The following PIAS3 variants were observed in gnomAD, a reference collection of about 807,000 sequenced individuals.
The protein encoded by PIAS3 is protein inhibitor of activated STAT 3, also known as E3 SUMO-protein ligase PIAS3.
PIAS3 carries 34 observed loss-of-function variants against 67.6 expected under a neutral mutation model. The ratio of observed to expected loss-of-function variants is 0.50; its 90% CI spans 0.38 to 0.67. The LOEUF (loss-of-function observed/expected upper bound fraction) is 0.67, where lower values mean the gene tolerates loss of function less well. Among genes scored for constraint, PIAS3 ranks in the 30% least tolerant of loss-of-function variants. The pLI, the probability that PIAS3 is intolerant of heterozygous loss-of-function variation, is 0.00. For synonymous variants in PIAS3, 341 were observed against 313.8 expected, an observed-to-expected ratio of 1.09 and a Z score of -0.92; for missense variants, 693 against 791.6, an observed-to-expected ratio of 0.88 and a Z score of 1.49.
rs782346143 is a variant in PIAS3, at chr1:145,849,894, C to G, written c.1621-182G>C. 259 of 1,449,590 alleles carry G rather than the reference C, an allele frequency of 1.8e-4. 1 individual carries two copies. The highest frequency in any genetic ancestry group is 5.6e-4 in the Admixed American group (20 of 35,998). The allele number at this position is 1,449,590 out of a possible 1,614,324, so 89.8% of individuals were successfully genotyped here. On this transcript the variant is annotated intron_variant, in intron 13 of 13. Coordinates refer to ENST00000393045, the MANE Select transcript of PIAS3 (RefSeq NM_006099.3). ...CCCTACACCCTTCCCCTTTCCCTGC[C>G]TTGAGAGAGCTCCTCCAACTTGTTA...
intron 4 of PIAS3, 96 bp from the exon 5 acceptor site, chr1:145,855,922 G>T: frequency 1.9e-6 from 2 of 1,049,398 alleles, no homozygotes; most frequent in Non-Finnish European, 1.5e-6. Flanking sequence ...AGTCATAGAT[G>T]CCTGAAGCCC....
chr1:145,853,132 G>A (rs1653026919), intron 9 of PIAS3, among the ~76,000 whole-genome samples: 1 of 152,048 alleles, frequency 6.6e-6, no homozygotes, highest in Admixed American at 6.6e-5. Context: ...ATTATAGGCT[G>A]GGCATGTTGT....
intron 11 of PIAS3, 74 bp downstream of exon 11, chr1:145,850,697 G>A: frequency 6.3e-7 from 1 of 1,597,302 alleles, no homozygotes; most frequent in Non-Finnish European, 8.6e-7. Flanking sequence ...CCCAGGCTTT[G>A]TCCAATGATC....
chr1:145,856,004 T>TC (rs1328914809), intron 4 of PIAS3, 64 bp downstream of exon 4: 2 of 1,309,330 alleles, frequency 1.5e-6, no homozygotes, highest in African/African-American at 2.9e-5. Flanking sequence ...AGGGTATCTG[T>TC]CATACCCCTA....
In PIAS3 at chr1:145,849,630, T is replaced by C. The variant is rs1553733635; in HGVS notation, c.1703A>G (p.His568Arg). ...CGTGGGGGCCAGTGGGCCCAGAAAGTGAGAAGGGGTCCCTCGGTACTGGAA... is the reference window on the plus strand; with the variant it reads ...CGTGGGGGCCAGTGGGCCCAGAAAGCGAGAAGGGGTCCCTCGGTACTGGAA... ...HFFQYRGTPS[H>R]FLGPLAPTLG... Residue 568 changes from histidine (H) to arginine (R), a missense_variant, in exon 14 of 14, where the codon CAC becomes CGC. Physicochemically the swap from His to Arg is conservative, Grantham distance 29. Coordinates refer to ENST00000393045, the MANE Select transcript of PIAS3 (RefSeq NM_006099.3). 6.2e-7 allele frequency: 1 copy of C among 1,613,030 alleles called. No homozygotes were observed. Among genetic ancestry groups the C allele is most frequent in the Non-Finnish European group, 8.5e-7 (1 of 1,179,584 alleles).
Position 145,858,956 on chromosome 1 carries a change from G to T in PIAS3, c.24+11C>A. ...TGAGTCCAGATGGGGATGGGGGGAGGGGGCCGGTACCTTTAATTCGCCCAG... is the reference window on the plus strand; with the variant it reads ...TGAGTCCAGATGGGGATGGGGGGAGTGGGCCGGTACCTTTAATTCGCCCAG... On this transcript the variant is annotated intron_variant, in intron 1 of 13. Transcript: ENST00000393045. The T allele has an allele frequency of 1.3e-6, 2 of 1,526,708 alleles. No individual in the cohort carries two copies. The highest frequency in any genetic ancestry group is 1.8e-6 in the Non-Finnish European group (2 of 1,138,588). The allele number at this position is 1,526,708 out of a possible 1,614,324, so 94.6% of individuals were successfully genotyped here.
Position 145,849,541 on chromosome 1 carries a change from C to A in PIAS3, c.1792G>T (p.Ala598Ser), listed in dbSNP as rs952724597. ...PPPGRVSSIVAPGGALREGHG... is the reference protein window; with the variant it reads ...PPPGRVSSIVSPGGALREGHG... The stretch of plus-strand genomic sequence containing the variant: ...CCCTCCCTCAAGGCCCCCCCAGGGG[C>A]CACAATGCTGCTGACACGGCCAGGA... The change falls in exon 14 of 14, where the codon GCC (alanine) becomes TCC (serine). Residue 598 changes from alanine to serine, a missense_variant. Coordinates refer to ENST00000393045, the MANE Select transcript of PIAS3 (RefSeq NM_006099.3). 1.4e-5 allele frequency: 23 copies of A among 1,599,546 alleles called. 1 individual carries two copies. Among genetic ancestry groups the A allele is most frequent in the Middle Eastern group, 3.3e-4 (2 of 6,002 alleles).
chr1:145,849,970 A>G lies in PIAS3; in HGVS notation c.1621-258T>C. 4.2e-6 allele frequency: 6 copies of G among 1,427,184 alleles called. No homozygotes were observed. In the South Asian group the frequency reaches 7.9e-5, roughly 19 times the overall value. 88.4% of individuals were successfully genotyped at this position (1,427,184 alleles called of 1,614,324 possible). A position where few individuals can be genotyped will look rare whatever the true frequency, so the allele number is the denominator to read the frequency against. ...AATGTGTGGAATGTCCGGTTAGAGC[A>G]GGCATGGTGCTCTAAGTGCACACGG... On this transcript the variant is annotated intron_variant, in intron 13 of 13. Coordinates refer to ENST00000393045, the MANE Select transcript of PIAS3 (RefSeq NM_006099.3).
In PIAS3 at chr1:145,854,883, G is replaced by T. The variant is rs782331502; in HGVS notation, c.670-3C>A. The T allele has an allele frequency of 1.9e-6, 3 of 1,613,952 alleles. No individual in the cohort carries two copies. In the Admixed American group the frequency reaches 5.0e-5, roughly 27 times the overall value. ...TTCTTGGTTGGGGGAAGGTAACCCT[G>T]GAGAAGGGAGGGATTGGTCAGTGGA... On this transcript the variant is annotated splice_polypyrimidine_tract_variant and splice_region_variant and intron_variant, in intron 5 of 13. Coordinates refer to ENST00000393045, the MANE Select transcript of PIAS3 (RefSeq NM_006099.3).
At chr1:145,854,145 T>A (rs1653067224) in intron 7 of PIAS3, 4 of 594,738 alleles carry the variant, frequency 6.7e-6, no homozygotes, top group Non-Finnish European at 1.2e-5. Context: ...AGTTGAAGCA[T>A]CATGTGAGGG....
chr1:145,858,277 T>C (rs1653272855), intron 1 of PIAS3, among the ~76,000 whole-genome samples: 1 of 152,102 alleles, frequency 6.6e-6, no homozygotes, highest in Middle Eastern at 3.2e-3. Context: ...CCTTATCTCC[T>C]CTGTCCTGTC....
intron 7 of PIAS3, 191 bp downstream of exon 7, chr1:145,854,267 G>A: frequency 1.6e-6 from 1 of 606,320 alleles, no homozygotes; most frequent in Non-Finnish European, 2.9e-6. Flanking sequence ...AAATTCAAGG[G>A]TGCCTGGGAG....
At chr1:145,853,047 C>T (rs1553734701) in intron 9 of PIAS3, among the ~76,000 whole-genome samples, 1 of 151,964 alleles carries the variant, frequency 6.6e-6, no homozygotes, top group Non-Finnish European at 1.5e-5. Context: ...GTGAGAATTG[C>T]AGTTCATGTG....
chr1:145,854,417 A>C, intron 7 of PIAS3, 41 bp downstream of exon 7: 2 of 1,376,550 alleles, frequency 1.5e-6, no homozygotes, highest in Non-Finnish European at 2.1e-6. Flanking sequence ...GGAAGACTTG[A>C]ATCCAGATCA....
intron 1 of PIAS3, 85 bp downstream of exon 1, chr1:145,858,882 C>T (rs981316505): frequency 2.3e-6 from 3 of 1,291,262 alleles, no homozygotes; most frequent in Admixed American, 3.6e-5. Flanking sequence ...CCCACCCGAG[C>T]CCCGGCACCC....
Position 145,849,732 on chromosome 1 carries a change from T to C in PIAS3, c.1621-20A>G, listed in dbSNP as rs146959096. The C allele has an allele frequency of 8.8e-5, 137 of 1,555,080 alleles. No homozygotes were observed. The African/African-American group carries it at 1.4e-3, about 16-fold the overall frequency. On this transcript the variant is annotated intron_variant, in intron 13 of 13. Coordinates refer to ENST00000393045, the MANE Select transcript of PIAS3 (RefSeq NM_006099.3). Reference sequence around the variant, plus strand: ...ATAGTGCTAGGAAGAATCAAGGGCATAGTTTAAGATCTCAATCCCGACTTC... The same window carrying C: ...ATAGTGCTAGGAAGAATCAAGGGCACAGTTTAAGATCTCAATCCCGACTTC...
chr1:145,849,866 C>A, intron 13 of PIAS3, 154 bp from the exon 14 acceptor site: 1 of 1,470,622 alleles, frequency 6.8e-7, no homozygotes, highest in Non-Finnish European at 8.9e-7. Flanking sequence ...CTTTCCCCTA[C>A]TTCCCTACAC....
At chr1:145,853,417 A>G in intron 9 of PIAS3, 87 bp downstream of exon 9, 1 of 1,180,020 alleles carries the variant, frequency 8.5e-7, no homozygotes, top group Non-Finnish European at 1.2e-6. Flanking sequence ...CTCAAAAAAA[A>G]AAAAAAGAAA....
intron 7 of PIAS3, 116 bp from the exon 8 acceptor site, chr1:145,854,002 G>T: frequency 1.3e-6 from 1 of 776,198 alleles, no homozygotes; most frequent in Non-Finnish European, 2.2e-6. Flanking sequence ...GAGCGTCTTT[G>T]GGGGCCAGTG....
Sources: allele counts gnomAD v4.1 joint callset (sites outside exome capture counted in the v4.1 genomes callset), GRCh38; gene constraint gnomAD v4.1.1; transcripts MANE v1.5; gene names NCBI Gene and HGNC (gene_info 2026-07-23, HGNC 2026-07-21).